The following C2CD3 variants were observed in gnomAD, a reference collection of about 807,000 sequenced individuals.
The protein encoded by C2CD3 is C2 domain containing 3 centriole elongation regulator, also known as C2 domain-containing protein 3.
In C2CD3, 148 loss-of-function variants were observed where a neutral mutation model predicts 234.0. That is an observed-to-expected ratio of 0.63 (90% CI 0.55 to 0.72). The LOEUF is 0.72. Among genes scored for constraint, C2CD3 ranks in the 30% least tolerant of loss-of-function variants. The pLI is 0.00. For synonymous variants in C2CD3, 1,000 were observed against 1,035.4 expected (o/e 0.97, Z 0.66); for missense variants, 2,577 against 2,811.5 (o/e 0.92, Z 1.89).
chr11:74,161,423 C>T lies in C2CD3; in HGVS notation c.459G>A (p.Thr153=), dbSNP rs542393765. The T allele has an allele frequency of 1.2e-5, 19 of 1,589,516 alleles. No homozygotes were observed. Among genetic ancestry groups the T allele is most frequent in the African/African-American group, 5.4e-5 (4 of 73,426 alleles). The change falls in exon 3 of 33, where the codon ACG becomes ACA. Residue 153 remains threonine, a synonymous_variant. Coordinates refer to ENST00000334126, the MANE Select transcript of C2CD3 (RefSeq NM_001286577.2). ...CCTGGAGTTCTCCAAGTTTCTTAGA[C>T]GTTGATGAAACAATGGTAAAAAATC... ...INGFFTIVSS[T]SKKLGELQVS...
intron 3 of C2CD3, among the ~76,000 whole-genome samples, chr11:74,156,267 C>T (rs749291449): frequency 4.0e-5 from 6 of 149,582 alleles, no homozygotes; most frequent in African/African-American, 7.4e-5. Flanking sequence ...AGCAAGACTC[C>T]GTCTCAAAAA....
intron 24 of C2CD3, among the ~76,000 whole-genome samples, chr11:74,069,296 A>C (rs1337032177): frequency 1.3e-5 from 2 of 152,174 alleles, no homozygotes; most frequent in Non-Finnish European, 2.9e-5. Context: ...GTGGAAATTC[A>C]TCTGGGCCTG....
intron 12 of C2CD3, among the ~76,000 whole-genome samples, chr11:74,107,364 CAA>C (rs1467734658): frequency 7.0e-6 from 1 of 142,498 alleles, no homozygotes; most frequent in African/African-American, 3.0e-5. Flanking sequence ...AAATAAGAAA[CAA>C]TGCATAAAAA....
At chr11:74,034,380 T>A in intron 30 of C2CD3, 102 bp from the exon 31 acceptor site, 2 of 1,487,148 alleles carry the variant, frequency 1.3e-6, no homozygotes, top group Middle Eastern at 1.7e-4. Context: ...GCAATCAGAC[T>A]CTGAACAAAC....
intron 22 of C2CD3, among the ~76,000 whole-genome samples, chr11:74,081,757 G>A (rs1277016161): frequency 6.6e-6 from 1 of 152,196 alleles, no homozygotes; most frequent in East Asian, 1.9e-4. Flanking sequence ...AAGAAAGGGA[G>A]TTCACTCATG....
intron 23 of C2CD3, among the ~76,000 whole-genome samples, chr11:74,077,771 G>GTA (rs553597652): frequency 1.4e-5 from 1 of 69,208 alleles, no homozygotes; most frequent in Non-Finnish European, 2.7e-5. Context: ...AGAACTTACA[G>GTA]TATATATATA....
chr11:74,166,178 C>T (rs577484962), intron 2 of C2CD3, among the ~76,000 whole-genome samples: 1 of 151,992 alleles, frequency 6.6e-6, no homozygotes, highest in Admixed American at 6.5e-5. Flanking sequence ...GGTGTCGTGG[C>T]GGGCACCTGT....
At chr11:74,080,334 G>A (rs1374912828) in intron 22 of C2CD3, among the ~76,000 whole-genome samples, 1 of 152,102 alleles carries the variant, frequency 6.6e-6, no homozygotes, top group Non-Finnish European at 1.5e-5. Context: ...TGAGGAGGCT[G>A]AAAATTTTGA....
At chr11:74,119,576 TA>T (rs1225062654) in intron 8 of C2CD3, among the ~76,000 whole-genome samples, 27 of 151,908 alleles carry the variant, frequency 1.8e-4, no homozygotes, top group African/African-American at 6.0e-4. Context: ...TGATCTGTGA[TA>T]GGGGGACAAA....
intron 3 of C2CD3, among the ~76,000 whole-genome samples, chr11:74,154,014 T>C (rs373509151): frequency 4.3e-4 from 65 of 150,700 alleles, no homozygotes; most frequent in Middle Eastern, 6.8e-3. Context: ...GATACAATTA[T>C]AGAAAAAAAA....
chr11:74,087,203 C>G (rs1955678587), intron 20 of C2CD3, among the ~76,000 whole-genome samples: 2 of 151,940 alleles, frequency 1.3e-5, no homozygotes, highest in South Asian at 4.2e-4. Flanking sequence ...CAATAGTATA[C>G]CATGAAGTAT....
chr11:74,048,726 A>G (rs1953514671), intron 27 of C2CD3, among the ~76,000 whole-genome samples: 1 of 152,196 alleles, frequency 6.6e-6, no homozygotes, highest in African/African-American at 2.4e-5. Flanking sequence ...TGACCTTCCT[A>G]TATTGGGACC....
chr11:74,056,302 A>G (rs1953946445), intron 25 of C2CD3, among the ~76,000 whole-genome samples: 2 of 152,264 alleles, frequency 1.3e-5, no homozygotes, highest in African/African-American at 4.8e-5. Flanking sequence ...TACTATTATC[A>G]TAACATTGCA....
chr11:74,121,593 T>A (rs1214830222), intron 8 of C2CD3, among the ~76,000 whole-genome samples: 2 of 122,938 alleles, frequency 1.6e-5, no homozygotes, highest in Non-Finnish European at 3.2e-5. Context: ...GGTGACAGAA[T>A]GAGAGACTCC....
rs763935538 is a variant in C2CD3, at chr11:74,103,162, C to T, written c.2549G>A (p.Gly850Asp). ...AAAGTTAAAGACCGGTTGTGTTGTG[C>T]CCCATGCGATGACAGATCTGGTGAC... is the stretch of plus-strand genomic sequence containing the variant. ...EEVTRSVIAW[G>D]TTQPVFNFSQ... is the part of the protein sequence containing the mutation. The change falls in exon 14 of 33, where the codon GGC becomes GAC. Residue 850 changes from glycine to aspartate, a missense_variant. Physicochemically the swap from Gly to Asp is moderately conservative, Grantham distance 94. Transcript: ENST00000334126. 1.2e-6 allele frequency: 2 copies of T among 1,613,598 alleles called. No homozygotes were observed. Among genetic ancestry groups the T allele is most frequent in the African/African-American group, 1.3e-5 (1 of 75,032 alleles).
At chr11:74,125,783 C>T (rs530842500) in intron 7 of C2CD3, among the ~76,000 whole-genome samples, 2 of 152,136 alleles carry the variant, frequency 1.3e-5, no homozygotes, top group African/African-American at 4.8e-5. Context: ...TACTACTTTA[C>T]GAGTGAACTC....
intron 2 of C2CD3, among the ~76,000 whole-genome samples, chr11:74,162,359 G>T (rs531471393): frequency 3.9e-5 from 6 of 152,000 alleles, no homozygotes; most frequent in Non-Finnish European, 8.8e-5. Context: ...TATTAGTATA[G>T]AATTTATTTT....
intron 25 of C2CD3, 123 bp from the exon 26 acceptor site, chr11:74,054,794 C>T: frequency 1.7e-6 from 1 of 604,886 alleles, no homozygotes; most frequent in South Asian, 2.4e-5. Flanking sequence ...ATCTTCTTAG[C>T]CATCTTCTGG....
chr11:74,122,916 C>T, intron 8 of C2CD3, 72 bp downstream of exon 8: 1 of 1,264,560 alleles, frequency 7.9e-7, no homozygotes, highest in Non-Finnish European at 1.1e-6. Context: ...GCATAGCTGT[C>T]ATGCCTGCAG....
Sources: allele counts gnomAD v4.1 joint callset (sites outside exome capture counted in the v4.1 genomes callset), GRCh38; gene constraint gnomAD v4.1.1; transcripts MANE v1.5; gene names NCBI Gene and HGNC (gene_info 2026-07-23, HGNC 2026-07-21).